The following C3orf20 variants were observed in gnomAD, a reference collection of about 807,000 sequenced individuals.
The protein encoded by C3orf20 is uncharacterized protein C3orf20.
Under a neutral mutation model 88.3 loss-of-function variants are expected in C3orf20, and 76 were observed. The ratio of observed to expected loss-of-function variants is 0.86; its 90% CI spans 0.72 to 1.04. The LOEUF is 1.04. C3orf20 is among the 50% of genes least tolerant of loss of function. The pLI is 0.00. For missense variants in C3orf20, 1,056 were observed against 1,123.3 expected, an observed-to-expected ratio of 0.94 and a Z score of 0.86; for synonymous variants, 436 against 437.4, an observed-to-expected ratio of 1.00 and a Z score of 0.04.
intron 12 of C3orf20, among the ~76,000 whole-genome samples, chr3:14,751,622 C>A (rs2035220878): frequency 6.6e-6 from 1 of 152,332 alleles, no homozygotes; most frequent in South Asian, 2.1e-4. Context: ...TGATAAGCAA[C>A]TTCAGCAAAG....
intron 4 of C3orf20, among the ~76,000 whole-genome samples, chr3:14,688,400 C>T (rs1025949256): frequency 6.6e-6 from 1 of 151,768 alleles, no homozygotes; most frequent in Non-Finnish European, 1.5e-5. Flanking sequence ...GCCGTGATGG[C>T]ACACATCTGT....
intron 14 of C3orf20, among the ~76,000 whole-genome samples, chr3:14,761,204 A>G (rs528996994): frequency 7.0e-6 from 1 of 143,252 alleles, no homozygotes; most frequent in African/African-American, 2.6e-5. Flanking sequence ...CCAGGGAGAT[A>G]TGGCTGAGCC....
At chr3:14,706,935 T>C (rs1213897671) in intron 7 of C3orf20, among the ~76,000 whole-genome samples, 1 of 152,060 alleles carries the variant, frequency 6.6e-6, no homozygotes, top group Admixed American at 6.6e-5. Context: ...TAGATATTGC[T>C]GGTCAAGCTC....
intron 3 of C3orf20, among the ~76,000 whole-genome samples, chr3:14,683,571 G>A (rs948146285): frequency 7.9e-5 from 12 of 151,928 alleles, no homozygotes; most frequent in African/African-American, 2.9e-4. Flanking sequence ...CAGAACAAGG[G>A]GGAGTCATAA....
intron 15 of C3orf20, among the ~76,000 whole-genome samples, chr3:14,766,691 T>G (rs1032247580): frequency 3.3e-5 from 5 of 152,186 alleles, no homozygotes; most frequent in African/African-American, 4.8e-5. Flanking sequence ...AGACCAGGAC[T>G]GGACTTGTGA....
At position 14,772,757 on chromosome 3, in the gene C3orf20, C is replaced by T; in HGVS notation, c.2631-34C>T. ...GCTCTGGGCACTGTGAAGAACAGCC[C>T]TTCCGCCTCCCGGCCCTCTATTTTG... is the stretch of plus-strand genomic sequence containing the variant. On this transcript the variant is annotated intron_variant, in intron 16 of 16. Coordinates refer to ENST00000253697, the MANE Select transcript of C3orf20 (RefSeq NM_032137.5). This position sits in a 1 kb window ranked among gnomAD's most constrained non-coding sequence, Gnocchi z 4.2. The T allele has an allele frequency of 6.3e-7, 1 of 1,577,588 alleles. No individual in the cohort carries two copies. Among genetic ancestry groups the T allele is most frequent in the Non-Finnish European group, 8.7e-7 (1 of 1,147,678 alleles).
chr3:14,766,733 G>A (rs527533599), intron 15 of C3orf20, among the ~76,000 whole-genome samples: 1 of 152,342 alleles, frequency 6.6e-6, no homozygotes, highest in East Asian at 1.9e-4. Context: ...GGCCCACCAG[G>A]CAGGGAGGGC....
Position 14,757,428 on chromosome 3 carries a change from C to A in C3orf20, c.1998C>A (p.Cys666Ter), listed in dbSNP as rs771688122. The A allele has an allele frequency of 5.6e-6, 9 of 1,612,158 alleles. No individual in the cohort carries two copies. Among genetic ancestry groups the A allele is most frequent in the Non-Finnish European group, 6.8e-6 (8 of 1,179,866 alleles). ...GGTGGGCGGCCTTGCCCTCAGACTG[C>A]CCGCTGGTGCTGCGGAAGCTCATGC... is the stretch of plus-strand genomic sequence containing the variant. ...PTRWAALPSDCPLVLRKLMLK... is the reference protein window; with the variant it reads ...PTRWAALPSD Residue 666 changes from cysteine to a stop codon, truncating the protein, a stop_gained, in exon 13 of 17, where the codon TGC becomes TGA. Transcript: ENST00000253697. LOFTEE classifies it high-confidence loss of function.
At chr3:14,717,645 A>G (rs1336480676) in intron 9 of C3orf20, among the ~76,000 whole-genome samples, 9 of 152,132 alleles carry the variant, frequency 5.9e-5, no homozygotes, top group Admixed American at 3.9e-4. Context: ...TTTTGCCCAG[A>G]TGTTTACTAT....
At chr3:14,740,291 G>C (rs992279659) in intron 12 of C3orf20, among the ~76,000 whole-genome samples, 1 of 152,324 alleles carries the variant, frequency 6.6e-6, no homozygotes, top group South Asian at 2.1e-4. Context: ...AGGGAATAGG[G>C]AAGCCCAAGG....
intron 12 of C3orf20, among the ~76,000 whole-genome samples, chr3:14,730,541 T>C (rs934637402): frequency 1.3e-5 from 2 of 151,280 alleles, no homozygotes; most frequent in South Asian, 2.1e-4. Context: ...AGCGAGACTG[T>C]GTCTCAAAAA....
chr3:14,725,697 C>T (rs148978010), intron 10 of C3orf20, among the ~76,000 whole-genome samples: 210 of 152,256 alleles, frequency 1.4e-3, no homozygotes, highest in African/African-American at 4.8e-3. Flanking sequence ...GACTCGTGGG[C>T]TGACTTTGTT....
chr3:14,701,797 G>A lies in C3orf20; in HGVS notation c.746-1333G>A, dbSNP rs533152425. On this transcript the variant is annotated intron_variant, in intron 5 of 16. Transcript: ENST00000253697. This position sits in a 1 kb window ranked among gnomAD's most constrained non-coding sequence, Gnocchi z 4.6. ...GTGAGGGCCGTCCAGCCCTGGAAAT[G>A]CTCTCTTTTCCTGGAACCCGGGGAG... is the stretch of plus-strand genomic sequence containing the variant. 2.0e-4 allele frequency among the ~76,000 whole-genome samples: 30 copies of A among 152,302 alleles called. No homozygotes were observed. The highest frequency in any genetic ancestry group is 6.3e-4 in the African/African-American group (26 of 41,560).
chr3:14,758,065 C>T (rs1419759926), intron 13 of C3orf20, among the ~76,000 whole-genome samples: 1 of 152,184 alleles, frequency 6.6e-6, no homozygotes, highest in Non-Finnish European at 1.5e-5. Context: ...TCACAAGTAC[C>T]CACTGTGTGC....
chr3:14,731,602 G>C (rs1027531217), intron 12 of C3orf20, among the ~76,000 whole-genome samples: 5 of 152,144 alleles, frequency 3.3e-5, no homozygotes, highest in African/African-American at 1.2e-4. Flanking sequence ...TTTCTGCTAA[G>C]GAAGCCCACT....
intron 8 of C3orf20, 38 bp downstream of exon 8, chr3:14,714,197 C>T (rs752167769): frequency 6.2e-7 from 1 of 1,606,654 alleles, no homozygotes; most frequent in South Asian, 1.1e-5. Context: ...CACGGAAGTA[C>T]CTCTGAGGGT....
intron 5 of C3orf20, among the ~76,000 whole-genome samples, chr3:14,693,103 C>T (rs1334126531): frequency 6.6e-6 from 1 of 152,114 alleles, no homozygotes; most frequent in Non-Finnish European, 1.5e-5. Flanking sequence ...ATGCCAGTAC[C>T]ATGCTGTTTT....
intron 12 of C3orf20, among the ~76,000 whole-genome samples, chr3:14,756,042 A>AAAAAG (rs2035358608): frequency 6.7e-6 from 1 of 148,210 alleles, no homozygotes; most frequent in African/African-American, 2.4e-5. Flanking sequence ...AAAAAAAAAA[A>AAAAAG]AAAAAGAAAA....
At position 14,728,518 on chromosome 3, in the gene C3orf20, C is replaced by T. The variant is rs751557270; in HGVS notation, c.1770C>T (p.Pro590=). 1.7e-5 allele frequency: 27 copies of T among 1,614,000 alleles called. No homozygotes were observed. Among genetic ancestry groups the T allele is most frequent in the Middle Eastern group, 1.6e-4 (1 of 6,084 alleles). Residue 590 remains proline (P), a synonymous_variant, in exon 12 of 17, where the codon CCC becomes CCT. Transcript: ENST00000253697. The part of the protein sequence containing the change: ...VRFKMRSRTH[P]ERLPKLSLYS... ...TCAAGATGAGATCCAGAACTCATCCCGAGCGGCTCCCCAAGCTAAGTTTAT... is the reference window on the plus strand; with the variant it reads ...TCAAGATGAGATCCAGAACTCATCCTGAGCGGCTCCCCAAGCTAAGTTTAT...
Sources: allele counts gnomAD v4.1 joint callset (sites outside exome capture counted in the v4.1 genomes callset), GRCh38; gene constraint gnomAD v4.1.1; non-coding constraint Gnocchi (gnomAD v3.1); transcripts MANE v1.5; gene names NCBI Gene and HGNC (gene_info 2026-07-23, HGNC 2026-07-21).